The following PIP4K2A variants were observed in gnomAD, a reference collection of about 807,000 sequenced individuals.
PIP4K2A encodes the protein phosphatidylinositol 5-phosphate 4-kinase type-2 alpha.
Under a neutral mutation model 42.9 loss-of-function variants are expected in PIP4K2A, and 14 were observed. The ratio of observed to expected loss-of-function variants is 0.33; its 90% confidence interval spans 0.22 to 0.51. PIP4K2A has a LOEUF of 0.51. Ranked by LOEUF, PIP4K2A falls within the 20% of genes least tolerant of loss-of-function variation. PIP4K2A has a pLI of 0.97. For missense variants in PIP4K2A, 434 were observed against 519.8 expected, an observed-to-expected ratio of 0.83 and a Z score of 1.61; for synonymous variants, 192 against 192.2, an observed-to-expected ratio of 1.00 and a Z score of 0.01.
At chr10:22,543,491 G>A (rs1482945459) in intron 7 of PIP4K2A, among the ~76,000 whole-genome samples, 4 of 152,226 alleles carry the variant, frequency 2.6e-5, no homozygotes, top group Admixed American at 2.0e-4. Context: ...ACAGCATGGG[G>A]CTCCTGCGTT....
Position 22,549,736 on chromosome 10 carries a change from G to A in PIP4K2A, c.792+923C>T, listed in dbSNP as rs1217902657. On this transcript the variant is annotated intron_variant, in intron 7 of 9. Coordinates refer to ENST00000376573, the MANE Select transcript of PIP4K2A (RefSeq NM_005028.5). ...GGTGCCTGTAGTCCCAGCTACTCAG[G>A]AGGCTGAGGCGGGAGAATGGCGTGA... 6.8e-4 allele frequency among the ~76,000 whole-genome samples: 102 copies of A among 149,148 alleles called. 1 individual carries two copies. Among genetic ancestry groups the A allele is most frequent in the Non-Finnish European group, 1.1e-3 (74 of 67,612 alleles).
rs1837937569 is a variant in PIP4K2A, at chr10:22,607,815, A to G, written c.339+112T>C. The G allele has an allele frequency of 1.2e-5, 7 of 606,236 alleles. 1 individual carries two copies. In the South Asian group the frequency reaches 1.7e-4, roughly 15 times the overall value. 37.6% of individuals were successfully genotyped at this position (606,236 alleles called of 1,614,324 possible). On this transcript the variant is annotated intron_variant, in intron 3 of 9. Transcript: ENST00000376573. ...TAAAAACTTCTTACACAAAATGAAA[A>G]TTACTATTATATAATACTTTTATTG...
At position 22,556,625 on chromosome 10, in the gene PIP4K2A, T is replaced by C. The variant is rs139282384; in HGVS notation, c.679-5853A>G. 3.2e-3 allele frequency among the ~76,000 whole-genome samples: 481 copies of C among 152,292 alleles called. 2 individuals are homozygous for C. The highest frequency in any genetic ancestry group is 0.011 in the African/African-American group (444 of 41,568). On this transcript the variant is annotated intron_variant, in intron 6 of 9. Transcript: ENST00000376573. The stretch of plus-strand genomic sequence containing the variant: ...CAGCACATTATAATAGTGGATAATT[T>C]AGTGAATGCTGTTTTGCTGACCTAA...
intron 6 of PIP4K2A, among the ~76,000 whole-genome samples, chr10:22,556,023 C>T (rs578057549): frequency 2.0e-5 from 3 of 152,192 alleles, no homozygotes; most frequent in South Asian, 4.1e-4. Context: ...TTTATTTAAA[C>T]GATGTTTAAA....
rs1554804718 is a variant in PIP4K2A at position 22,641,609 on chromosome 10, GT to G, written c.145-31893del. Among the ~76,000 whole-genome samples the G allele has an allele frequency of 8.8e-3, 1,314 of 149,774 alleles. 13 individuals are homozygous for G. Among genetic ancestry groups the G allele is most frequent in the African/African-American group, 0.03 (1,234 of 40,656 alleles). ...GGTACGTGCAACCACACTCAGATAGGTTTTTTTTTAAAAAAAAAATTTTGTA... is the reference window on the plus strand; with the variant it reads ...GGTACGTGCAACCACACTCAGATAGGTTTTTTTTAAAAAAAAAATTTTGTA... On this transcript the variant is annotated intron_variant, in intron 1 of 9. Transcript: ENST00000376573.
At chr10:22,611,708 T>G (rs556666329) in intron 1 of PIP4K2A, among the ~76,000 whole-genome samples, 4 of 152,326 alleles carry the variant, frequency 2.6e-5, no homozygotes, top group African/African-American at 9.6e-5. Flanking sequence ...CTATGAAAAA[T>G]TAAAGTTTAT....
chr10:22,550,795 T>A (rs1207385714), intron 6 of PIP4K2A, 23 bp from the exon 7 acceptor site: 2 of 1,404,072 alleles, frequency 1.4e-6, no homozygotes, highest in South Asian at 2.3e-5. Context: ...AGAAAAACAA[T>A]GACAAAGGCG....
At chr10:22,584,470 A>G (rs896013825) in intron 4 of PIP4K2A, among the ~76,000 whole-genome samples, 2 of 152,220 alleles carry the variant, frequency 1.3e-5, no homozygotes, top group Non-Finnish European at 2.9e-5. Context: ...AGCACGTTAA[A>G]GATGTACTTG....
At chr10:22,580,996 A>C (rs1837263560) in intron 4 of PIP4K2A, among the ~76,000 whole-genome samples, 1 of 152,240 alleles carries the variant, frequency 6.6e-6, no homozygotes, top group Non-Finnish European at 1.5e-5. Context: ...GAGGCTGCAA[A>C]TGGACCAAAC....
chr10:22,597,866 T>A (rs1837667629), intron 3 of PIP4K2A, among the ~76,000 whole-genome samples: 6 of 152,166 alleles, frequency 3.9e-5, no homozygotes, highest in Admixed American at 3.9e-4. Context: ...GTCCTCTTCA[T>A]CTCCAAAGTA....
At chr10:22,705,166 G>C (rs1429755264) in intron 1 of PIP4K2A, among the ~76,000 whole-genome samples, 1 of 152,034 alleles carries the variant, frequency 6.6e-6, no homozygotes, top group Non-Finnish European at 1.5e-5. Flanking sequence ...TGACTTCAGA[G>C]AGTGGAGAAC....
chr10:22,583,407 G>A lies in PIP4K2A; in HGVS notation c.492+8222C>T, dbSNP rs1837322387. On this transcript the variant is annotated intron_variant, in intron 4 of 9. Transcript: ENST00000376573. The stretch of plus-strand genomic sequence containing the variant: ...AGTAGCCTATGCCTGGGGCTGGGGG[G>A]GAGCTGATCATTTGGGCAGGTGCAC... Among the ~76,000 whole-genome samples the A allele has an allele frequency of 2.6e-5, 4 of 152,172 alleles. No individual in the cohort carries two copies. The South Asian group carries it at 8.3e-4, about 32-fold the overall frequency.
At chr10:22,664,140 T>G (rs11498381) in intron 1 of PIP4K2A, among the ~76,000 whole-genome samples, 2 of 44,874 alleles carry the variant, frequency 4.5e-5, no homozygotes, top group Non-Finnish European at 7.0e-5. Flanking sequence ...CATATATATA[T>G]ACATATATAT....
At chr10:22,701,204 G>A (rs1218823092) in intron 1 of PIP4K2A, among the ~76,000 whole-genome samples, 1 of 152,198 alleles carries the variant, frequency 6.6e-6, no homozygotes, top group Non-Finnish European at 1.5e-5. Context: ...TATCCCGCCA[G>A]AAGCTAACAG....
intron 1 of PIP4K2A, among the ~76,000 whole-genome samples, chr10:22,697,732 T>C (rs1383607560): frequency 6.7e-6 from 1 of 150,002 alleles, no homozygotes; most frequent in Non-Finnish European, 1.5e-5. Flanking sequence ...TCTCGGAAAA[T>C]TTTTTAAAAA....
chr10:22,660,965 G>T (rs1038873909), intron 1 of PIP4K2A, among the ~76,000 whole-genome samples: 2 of 152,142 alleles, frequency 1.3e-5, no homozygotes, highest in Non-Finnish European at 2.9e-5. Flanking sequence ...TTCATCAATT[G>T]TAACAAACAA....
At chr10:22,696,145 G>C (rs952303269) in intron 1 of PIP4K2A, among the ~76,000 whole-genome samples, 3 of 152,304 alleles carry the variant, frequency 2.0e-5, no homozygotes, top group Middle Eastern at 3.4e-3. Context: ...GTCTGGATCA[G>C]TACAACCACC....
chr10:22,664,144 TATATATACAC>T (rs1188663054), intron 1 of PIP4K2A, among the ~76,000 whole-genome samples: 108 of 30,584 alleles, frequency 3.5e-3, no homozygotes, highest in South Asian at 5.2e-3. Flanking sequence ...TATATATACA[TATATATACAC>T]ATATATATAT....
At chr10:22,548,959 C>T (rs987322762) in intron 7 of PIP4K2A, among the ~76,000 whole-genome samples, 7 of 152,052 alleles carry the variant, frequency 4.6e-5, no homozygotes, top group African/African-American at 9.7e-5. Flanking sequence ...GAGGCTGAGG[C>T]GGGAGGACTG....
Sources: allele counts gnomAD v4.1 joint callset (sites outside exome capture counted in the v4.1 genomes callset), GRCh38; gene constraint gnomAD v4.1.1; transcripts MANE v1.5; gene names NCBI Gene and HGNC (gene_info 2026-07-23, HGNC 2026-07-21).